The following HSD17B12 variants were observed in gnomAD, a reference collection of about 807,000 sequenced individuals.
HSD17B12 encodes very-long-chain 3-oxoacyl-CoA reductase.
In HSD17B12, 32 loss-of-function variants were observed where a neutral mutation model predicts 39.3. The observed-to-expected ratio is 0.81, with a 90% CI of 0.61 to 1.09. The LOEUF (loss-of-function observed/expected upper bound fraction) is 1.09, where lower values mean the gene tolerates loss of function less well. Among genes scored for constraint, HSD17B12 ranks in the 50% least tolerant of loss-of-function variants. HSD17B12 has a pLI of 0.00. For synonymous variants in HSD17B12, 150 were observed against 146.7 expected (o/e 1.02, Z -0.16); for missense variants, 342 against 382.9 (o/e 0.89, Z 0.89).
the HSD17B12 span, among the ~76,000 whole-genome samples, chr11:43,561,123 C>T: frequency 6.6e-6 from 1 of 152,142 alleles, no homozygotes; most frequent in Non-Finnish European, 1.5e-5. Context: ...CAATCCCCAC[C>T]CACCACTTTC....
At chr11:43,588,608 AG>A in the HSD17B12 span, among the ~76,000 whole-genome samples, 2 of 61,128 alleles carry the variant, frequency 3.3e-5, no homozygotes, top group Non-Finnish European at 7.7e-5. Context: ...TATTATTATT[AG>A]CTATTATTAT....
At chr11:43,682,405 G>T (rs1286799611) in intron 1 of HSD17B12, among the ~76,000 whole-genome samples, 2 of 152,116 alleles carry the variant, frequency 1.3e-5, no homozygotes, top group Non-Finnish European at 2.9e-5. Flanking sequence ...ACAAAAATTA[G>T]CTGGGCGTGG....
At chr11:43,749,443 C>T (rs72892436) in intron 1 of HSD17B12, among the ~76,000 whole-genome samples, 3,686 of 152,106 alleles carry the variant, frequency 0.024, 64 homozygotes, top group Non-Finnish European at 0.039. Flanking sequence ...GGCTATTTTT[C>T]ATAGCAGAAA....
At chr11:43,854,578 C>A in intron 9 of HSD17B12, 137 bp from the exon 10 acceptor site, 1 of 917,198 alleles carries the variant, frequency 1.1e-6, no homozygotes, top group East Asian at 2.5e-5. Context: ...CTTTAGATAG[C>A]CACTTCTCTT....
chr11:43,668,865 A>T, the HSD17B12 span, among the ~76,000 whole-genome samples: 1,353 of 148,588 alleles, frequency 9.1e-3, 17 homozygotes, highest in African/African-American at 0.032. Flanking sequence ...AAAAAAAAAA[A>T]TTTTTTTTTT....
At chr11:43,673,653 A>C in the HSD17B12 span, among the ~76,000 whole-genome samples, 3 of 106,206 alleles carry the variant, frequency 2.8e-5, no homozygotes, top group African/African-American at 1.0e-4. Flanking sequence ...CACCAAGCCC[A>C]GCTAGTTTTG....
intron 1 of HSD17B12, among the ~76,000 whole-genome samples, chr11:43,724,326 G>T (rs1460195680): frequency 2.0e-5 from 3 of 149,476 alleles, no homozygotes; most frequent in African/African-American, 7.4e-5. Flanking sequence ...AAAAAAAATA[G>T]CTGCCTAAGG....
At chr11:43,693,281 G>C (rs1376366730) in intron 1 of HSD17B12, among the ~76,000 whole-genome samples, 1 of 152,188 alleles carries the variant, frequency 6.6e-6, no homozygotes, top group Non-Finnish European at 1.5e-5. Flanking sequence ...TTGAATTAGA[G>C]GAAAGTGGTG....
chr11:43,602,513 G>T, the HSD17B12 span, among the ~76,000 whole-genome samples: 2 of 152,140 alleles, frequency 1.3e-5, no homozygotes, highest in African/African-American at 4.8e-5. Context: ...CTCCATGAGA[G>T]CAGGAATTTG....
chr11:43,672,290 C>T, the HSD17B12 span, among the ~76,000 whole-genome samples: 2 of 152,082 alleles, frequency 1.3e-5, no homozygotes. Flanking sequence ...ACCTCATGAT[C>T]CGCCTGCCTC....
rs1037785316 is a variant in HSD17B12, at chr11:43,680,994, C to G, written c.160+7C>G. 42 of 1,583,356 alleles carry G rather than the reference C, an allele frequency of 2.7e-5. No individual in the cohort carries two copies. Among genetic ancestry groups the G allele is most frequent in the Non-Finnish European group, 3.6e-5 (42 of 1,161,798 alleles). On this transcript the variant is annotated splice_region_variant and intron_variant, in intron 1 of 10. Coordinates refer to ENST00000278353, the MANE Select transcript of HSD17B12 (RefSeq NM_016142.3). ...GGGCTCGGAGAATGGGCAGGTGAGT[C>G]GGATGCAGCGCCGCGTCCTCGCTCC...
intron 3 of HSD17B12, among the ~76,000 whole-genome samples, chr11:43,768,898 A>C (rs957500501): frequency 6.6e-6 from 1 of 152,144 alleles, no homozygotes; most frequent in Non-Finnish European, 1.5e-5. Context: ...TTTTTACAGA[A>C]TGCTGATTGG....
chr11:43,807,020 A>ACT, intron 4 of HSD17B12, among the ~76,000 whole-genome samples: 1 of 152,062 alleles, frequency 6.6e-6, no homozygotes, highest in Non-Finnish European at 1.5e-5. Flanking sequence ...CACTGTTATC[A>ACT]GGAAATTCCA....
chr11:43,694,032 G>T (rs997824341), intron 1 of HSD17B12, among the ~76,000 whole-genome samples: 4 of 152,184 alleles, frequency 2.6e-5, no homozygotes, highest in African/African-American at 9.7e-5. Flanking sequence ...GCCACATTGG[G>T]CTAGACAACA....
chr11:43,703,411 G>A (rs1237677011), intron 1 of HSD17B12, among the ~76,000 whole-genome samples: 2 of 152,040 alleles, frequency 1.3e-5, no homozygotes, highest in African/African-American at 4.8e-5. Flanking sequence ...AGCCGGGATG[G>A]TCTCGATCTC....
intron 1 of HSD17B12, among the ~76,000 whole-genome samples, chr11:43,744,510 A>G (rs545181007): frequency 1.6e-4 from 25 of 152,314 alleles, no homozygotes; most frequent in Non-Finnish European, 3.5e-4. Flanking sequence ...TTAAGCTATT[A>G]TATGTGTGGT....
intron 1 of HSD17B12, among the ~76,000 whole-genome samples, chr11:43,691,362 T>G (rs1439081507): frequency 1.2e-4 from 19 of 152,212 alleles, no homozygotes; most frequent in Non-Finnish European, 7.3e-5. Flanking sequence ...TTAGAGTTGA[T>G]GCAAATTTCT....
the HSD17B12 span, among the ~76,000 whole-genome samples, chr11:43,589,371 T>G: frequency 5.3e-5 from 8 of 152,342 alleles, no homozygotes; most frequent in East Asian, 1.4e-3. Flanking sequence ...ATAGGAAGAA[T>G]GTGATATGGT....
chr11:43,734,289 C>A, intron 1 of HSD17B12: 2 of 1,238,258 alleles, frequency 1.6e-6, no homozygotes, highest in Non-Finnish European at 2.4e-6. Flanking sequence ...AAGGAGTTCA[C>A]AGAAGCCGTG....
Sources: gnomAD v4.1 joint callset for allele counts (sites outside exome capture counted in the v4.1 genomes callset) on GRCh38, gnomAD v4.1.1 for gene constraint, MANE v1.5 for transcripts, NCBI Gene and HGNC (gene_info 2026-07-23, HGNC 2026-07-21) for gene names.